The following TRMT1L variants were observed in gnomAD, a reference collection of about 807,000 sequenced individuals.
TRMT1L encodes tRNA (guanine(27)-N(2))-dimethyltransferase.
A neutral mutation model predicts 81.6 loss-of-function variants in TRMT1L; 28 were observed. That is an observed-to-expected ratio of 0.34 (90% CI 0.25 to 0.47). TRMT1L has a LOEUF of 0.47. Ranked by LOEUF, TRMT1L falls within the 20% of genes least tolerant of loss-of-function variation. TRMT1L has a pLI of 1.00. For missense variants in TRMT1L, 739 were observed against 877.1 expected (o/e 0.84, Z 1.99); for synonymous variants, 301 against 303.2 (o/e 0.99, Z 0.07).
At chr1:185,136,574 C>G (rs1652905603) in intron 10 of TRMT1L, among the ~76,000 whole-genome samples, 1 of 152,128 alleles carries the variant, frequency 6.6e-6, no homozygotes, top group Non-Finnish European at 1.5e-5. Flanking sequence ...TATCTATTCT[C>G]CCCAATTTAA....
chr1:185,140,136 T>A lies in TRMT1L; in HGVS notation c.946A>T (p.Ile316Phe), dbSNP rs1652999478. The change falls in exon 8 of 15, where the codon ATT (isoleucine) becomes TTT (phenylalanine). Residue 316 changes from isoleucine to phenylalanine, a missense_variant. Around this residue, in one of 4 missense-constraint regions of TRMT1L, gnomAD observed 331 missense variants for 462.2 expected, o/e 0.72. Transcript: ENST00000367506. ...NDLNENSVTL[I>F]QENCHLNKLK... ...TTGTTTAAATGGCAGTTTTCCTGAA[T>A]CAGTGTCACAGAATTTTCATTCAAG... 4 of 1,613,760 alleles carry A rather than the reference T, an allele frequency of 2.5e-6. No individual in the cohort carries two copies. The highest frequency in any genetic ancestry group is 1.3e-5 in the African/African-American group (1 of 74,916).
At position 185,120,576 on chromosome 1, in the gene TRMT1L, A is replaced by G. The variant is rs919382873; in HGVS notation, c.1823-67T>C. 3.4e-5 allele frequency: 45 copies of G among 1,330,872 alleles called. No homozygotes were observed. The African/African-American group carries it at 4.7e-4, about 14-fold the overall frequency. 82.4% of individuals were successfully genotyped at this position (1,330,872 alleles called of 1,614,324 possible). On this transcript the variant is annotated intron_variant, in intron 13 of 14. Coordinates refer to ENST00000367506, the MANE Select transcript of TRMT1L (RefSeq NM_030934.5). ...ACAAGCCAAATACTTTTATAACTATATATTTATCTCAAGTATAAATCCTGA... is the reference window on the plus strand; with the variant it reads ...ACAAGCCAAATACTTTTATAACTATGTATTTATCTCAAGTATAAATCCTGA...
chr1:185,120,027 T>G lies in TRMT1L; in HGVS notation c.2194A>C (p.Arg732=), dbSNP rs1216158956. The part of the protein sequence containing the change: ...NDKAEASGCR[R]W ...CCAATTCTTCTCTACGTTTACCATC[T>G]TCTGCAGCCACTTGCTTCTGCTTTG... Residue 732 remains arginine (R), a synonymous_variant, in exon 15 of 15, where the codon AGA becomes CGA. Transcript: ENST00000367506. 9 of 1,613,560 alleles carry G rather than the reference T, an allele frequency of 5.6e-6. No individual in the cohort carries two copies. The highest frequency in any genetic ancestry group is 7.6e-6 in the Non-Finnish European group (9 of 1,179,698).
chr1:185,137,109 T>C (rs1483407736), intron 10 of TRMT1L, among the ~76,000 whole-genome samples: 1 of 152,184 alleles, frequency 6.6e-6, no homozygotes, highest in Non-Finnish European at 1.5e-5. Flanking sequence ...ACTGTTTCCA[T>C]GTCCCAGAAC....
chr1:185,125,235 CA>C, intron 11 of TRMT1L, 125 bp from the exon 12 acceptor site: 1 of 562,894 alleles, frequency 1.8e-6, no homozygotes, highest in Non-Finnish European at 2.8e-6. Flanking sequence ...TACTTAAATT[CA>C]AAAAGAATTT....
intron 10 of TRMT1L, among the ~76,000 whole-genome samples, chr1:185,132,463 G>A (rs1402162930): frequency 6.6e-6 from 1 of 151,284 alleles, no homozygotes; most frequent in South Asian, 2.1e-4. Context: ...AGGTTGCAGT[G>A]AGCTGATATC....
rs774275584 is a variant in TRMT1L at position 185,156,742 on chromosome 1, G to A, written c.-30C>T. ...ACCGCCTCCGTGCCAAGCCCGCCCG[G>A]GGACCCGGAGCGGGGCTCACGGCGG... is the stretch of plus-strand genomic sequence containing the variant. On this transcript the variant is annotated 5_prime_UTR_variant, in exon 1 of 15. Transcript: ENST00000367506. The A allele has an allele frequency of 5.6e-6, 9 of 1,611,558 alleles. No individual in the cohort carries two copies. The South Asian group carries it at 7.7e-5, about 14-fold the overall frequency.
intron 12 of TRMT1L, among the ~76,000 whole-genome samples, chr1:185,124,588 T>C (rs113613102): frequency 1.3e-5 from 2 of 151,324 alleles, no homozygotes; most frequent in African/African-American, 4.9e-5. Flanking sequence ...ACACAGGAGG[T>C]TGAGGCTGAG....
rs12026308 is a variant in TRMT1L, at chr1:185,126,775, G to T, written c.1593-1665C>A. ...AATCCCAGCACTTCGGGAGGCCGAG[G>T]TGGGTGGAGTCAGGAGTTCAAGACC... On this transcript the variant is annotated intron_variant, in intron 11 of 14. Transcript: ENST00000367506. 0.014 allele frequency among the ~76,000 whole-genome samples: 2,097 copies of T among 152,276 alleles called. 86 individuals carry two copies. The East Asian group carries it at 0.14, about 10-fold the overall frequency.
At chr1:185,157,434 G>A (rs925146289), upstream of TRMT1L, 1 of 152,414 alleles carries the variant, frequency 6.6e-6, no homozygotes, top group Non-Finnish European at 1.5e-5. Flanking sequence ...CACGGACCTG[G>A]GCGGGGCGAC....
rs1364525175 is a variant in TRMT1L, at chr1:185,133,221, AT to A, written c.1513+4384del. 5.9e-5 allele frequency among the ~76,000 whole-genome samples: 9 copies of A among 152,312 alleles called. No homozygotes were observed. The South Asian group carries it at 1.9e-3, about 32-fold the overall frequency. On this transcript the variant is annotated intron_variant, in intron 10 of 14. Transcript: ENST00000367506. ...GAAAGGAAACATTATTATAACATAT[AT>A]GAATCAGCTTTTATTTTTATTTTTG...
intron 10 of TRMT1L, among the ~76,000 whole-genome samples, chr1:185,136,126 G>C (rs1327606340): frequency 1.3e-5 from 2 of 152,166 alleles, no homozygotes; most frequent in African/African-American, 4.8e-5. Flanking sequence ...GAAAGCACTA[G>C]AGGCTGGGTG....
intron 11 of TRMT1L, among the ~76,000 whole-genome samples, chr1:185,127,546 T>G (rs1392973692): frequency 6.6e-6 from 1 of 151,412 alleles, no homozygotes; most frequent in Non-Finnish European, 1.5e-5. Context: ...TCACTTGAGG[T>G]CGGGAGTTTG....
intron 7 of TRMT1L, among the ~76,000 whole-genome samples, chr1:185,141,690 C>A (rs1006478493): frequency 2.6e-5 from 4 of 151,866 alleles, no homozygotes; most frequent in African/African-American, 9.7e-5. Context: ...GGTGACAGAG[C>A]GAAACTCTGT....
intron 13 of TRMT1L, among the ~76,000 whole-genome samples, chr1:185,122,144 T>G (rs1453724373): frequency 6.6e-6 from 1 of 152,210 alleles, no homozygotes; most frequent in Non-Finnish European, 1.5e-5. Flanking sequence ...CTGCATAGTA[T>G]TCCTTAGTAC....
intron 10 of TRMT1L, 72 bp from the exon 11 acceptor site, chr1:185,128,819 A>G (rs907319285): frequency 1.3e-5 from 17 of 1,293,532 alleles, no homozygotes; most frequent in Non-Finnish European, 1.8e-5. Flanking sequence ...TGTTATATTA[A>G]TAATAATGTG....
chr1:185,151,332 G>A (rs146277493), intron 2 of TRMT1L, among the ~76,000 whole-genome samples: 119 of 152,026 alleles, frequency 7.8e-4, no homozygotes, highest in African/African-American at 2.8e-3. Context: ...TAGAGTATAG[G>A]TACAATTTTT....
chr1:185,143,462 A>G, intron 6 of TRMT1L, 26 bp from the exon 7 acceptor site: 1 of 1,580,488 alleles, frequency 6.3e-7, no homozygotes, highest in South Asian at 1.1e-5. Flanking sequence ...AATCTGAAAT[A>G]ACTTTACCAT....
chr1:185,137,402 T>C (rs934616485), intron 10 of TRMT1L: 1 of 682,710 alleles, frequency 1.5e-6, no homozygotes, highest in African/African-American at 1.8e-5. Flanking sequence ...CTAGAAAGCA[T>C]ATATTGTACA....
Sources: gnomAD v4.1 joint callset for allele counts (sites outside exome capture counted in the v4.1 genomes callset) on GRCh38, gnomAD v4.1.1 for gene constraint, gnomAD v4.1.1 regional missense constraint, MANE v1.5 for transcripts, NCBI Gene and HGNC (gene_info 2026-07-23, HGNC 2026-07-21) for gene names.